ACAP2: variants seen among roughly 807,000 people sequenced by gnomAD.
ACAP2 encodes ArfGAP with coiled-coil, ankyrin repeat and PH domains 2.
A neutral mutation model predicts 115.8 loss-of-function variants in ACAP2; 39 were observed. That is an observed-to-expected ratio of 0.34 (90% confidence interval 0.26 to 0.44). The LOEUF is 0.44. Among genes scored for constraint, ACAP2 ranks in the 20% least tolerant of loss-of-function variants. The pLI is 1.00. For missense variants in ACAP2, 662 were observed against 927.6 expected (o/e 0.71, Z 3.72); for synonymous variants, 289 against 315.8 (o/e 0.92, Z 0.90).
At chr3:195,416,729 C>G (rs1713761894) in intron 1 of ACAP2, among the ~76,000 whole-genome samples, 1 of 152,056 alleles carries the variant, frequency 6.6e-6, no homozygotes, top group Non-Finnish European at 1.5e-5. Context: ...TTCCAAGTAG[C>G]ACAAAAACTT....
At chr3:195,338,895 A>C (rs533570127) in intron 6 of ACAP2, among the ~76,000 whole-genome samples, 1 of 152,170 alleles carries the variant, frequency 6.6e-6, no homozygotes, top group South Asian at 2.1e-4. Flanking sequence ...ATTAAAAAAA[A>C]AAACAGAACA....
At chr3:195,341,219 T>C (rs544945205) in intron 6 of ACAP2, among the ~76,000 whole-genome samples, 1 of 152,218 alleles carries the variant, frequency 6.6e-6, no homozygotes, top group African/African-American at 2.4e-5. Flanking sequence ...GACCTATCAC[T>C]TTCAGCTATA....
At position 195,307,538 on chromosome 3, in the gene ACAP2, T is replaced by C. The variant is rs550119211; in HGVS notation, c.910-215A>G. 1.6e-4 allele frequency among the ~76,000 whole-genome samples: 24 copies of C among 152,310 alleles called. 1 individual carries two copies. Among genetic ancestry groups the C allele is most frequent in the African/African-American group, 5.8e-4 (24 of 41,570 alleles). Reference sequence around the variant, plus strand: ...AAATTATATAGAGATTAAATGAAATTGTTTACATATAAAGAGACTGGTCCA... The same window carrying C: ...AAATTATATAGAGATTAAATGAAATCGTTTACATATAAAGAGACTGGTCCA... On this transcript the variant is annotated intron_variant, in intron 11 of 22. Transcript: ENST00000326793.
At position 195,392,195 on chromosome 3, in the gene ACAP2, C is replaced by T. The variant is rs376759906; in HGVS notation, c.54-48G>A. 8.3e-6 allele frequency: 12 copies of T among 1,442,772 alleles called. No individual in the cohort carries two copies. In the Admixed American group the frequency reaches 1.5e-4, roughly 18 times the overall value. The allele number at this position is 1,442,772 out of a possible 1,614,324, so 89.4% of individuals were successfully genotyped here. A position where few individuals can be genotyped will look rare whatever the true frequency, so the allele number is the denominator to read the frequency against. ...AAGTTATTTCGTTTGTTTAAATGTA[C>T]ACTTTACTCTTGAAAAGTAACTCTA... On this transcript the variant is annotated intron_variant, in intron 1 of 22. Transcript: ENST00000326793.
At chr3:195,355,506 T>A (rs1227738250) in intron 4 of ACAP2, among the ~76,000 whole-genome samples, 1 of 152,172 alleles carries the variant, frequency 6.6e-6, no homozygotes, top group Non-Finnish European at 1.5e-5. Context: ...TTTCTGGAAA[T>A]TAACAGTATT....
intron 9 of ACAP2, among the ~76,000 whole-genome samples, chr3:195,323,984 T>C (rs908063957): frequency 6.6e-6 from 1 of 152,230 alleles, no homozygotes; most frequent in Non-Finnish European, 1.5e-5. Flanking sequence ...ATGTGATTAT[T>C]ATGCATTGCA....
intron 16 of ACAP2, 26 bp downstream of exon 16, chr3:195,297,164 G>C (rs757734440): frequency 2.5e-6 from 4 of 1,577,848 alleles, no homozygotes; most frequent in Non-Finnish European, 3.5e-6. Flanking sequence ...TTCCTAATTA[G>C]GGGGAAAAAA....
At chr3:195,412,164 C>CAAAA (rs869120673) in intron 1 of ACAP2, among the ~76,000 whole-genome samples, 9 of 48,598 alleles carry the variant, frequency 1.9e-4, no homozygotes, top group Non-Finnish European at 3.3e-4. Context: ...GACCCTGTCT[C>CAAAA]AAAAAAAAAA....
chr3:195,405,609 C>T (rs943292464), intron 1 of ACAP2, among the ~76,000 whole-genome samples: 5 of 151,860 alleles, frequency 3.3e-5, no homozygotes, highest in African/African-American at 9.7e-5. Flanking sequence ...TTGCTTGAAC[C>T]CAGGAGGCGG....
intron 10 of ACAP2, among the ~76,000 whole-genome samples, chr3:195,309,188 T>C (rs1728600377): frequency 6.6e-6 from 1 of 152,242 alleles, no homozygotes; most frequent in South Asian, 2.1e-4. Context: ...AACTGAACTC[T>C]TTCCCAAGAA....
At chr3:195,312,845 T>C (rs1383173117) in intron 10 of ACAP2, 4 of 152,310 alleles carry the variant, frequency 2.6e-5, no homozygotes, top group South Asian at 2.1e-4. Context: ...TTTTCATCCA[T>C]TGCAAGTAAT....
At chr3:195,326,647 ATTC>A (rs1729814648) in intron 9 of ACAP2, 1 of 423,294 alleles carries the variant, frequency 2.4e-6, no homozygotes, top group Non-Finnish European at 4.3e-6. Context: ...TTCCTAAGAG[ATTC>A]AAATTTTTAT....
chr3:195,372,237 A>G (rs568027029), intron 4 of ACAP2, among the ~76,000 whole-genome samples: 77 of 152,340 alleles, frequency 5.1e-4, no homozygotes, highest in African/African-American at 1.7e-3. Context: ...TTAATTTCCA[A>G]AGCAGAACAA....
At chr3:195,298,309 G>A (rs1300646950) in intron 15 of ACAP2, among the ~76,000 whole-genome samples, 2 of 141,188 alleles carry the variant, frequency 1.4e-5, no homozygotes, top group Non-Finnish European at 3.0e-5. Context: ...AGGCGGTAGT[G>A]CAGTGGCATG....
At chr3:195,356,047 T>C (rs1352906453) in intron 4 of ACAP2, 1 of 452,998 alleles carries the variant, frequency 2.2e-6, no homozygotes, top group Non-Finnish European at 4.5e-6. Flanking sequence ...GAACCAAAAA[T>C]CATGTGAGCA....
chr3:195,360,336 T>G (rs2066169192), intron 4 of ACAP2, among the ~76,000 whole-genome samples: 1 of 152,160 alleles, frequency 6.6e-6, no homozygotes, highest in Non-Finnish European at 1.5e-5. Context: ...CAAGTATAAT[T>G]ATATATGTAC....
rs137874064 is a variant in ACAP2 at position 195,363,400 on chromosome 3, T to C, written c.285+17609A>G. Reference sequence around the variant, plus strand: ...GCTCATGCCTGTAATCCCAGCACTTTGGGAGGCTGAGATGGGTGGATCACC... The same window carrying C: ...GCTCATGCCTGTAATCCCAGCACTTCGGGAGGCTGAGATGGGTGGATCACC... On this transcript the variant is annotated intron_variant, in intron 4 of 22. Transcript: ENST00000326793. Among the ~76,000 whole-genome samples, 384 of 152,146 alleles carry C rather than the reference T, an allele frequency of 2.5e-3. 3 individuals are homozygous for C. The highest frequency in any genetic ancestry group is 8.9e-3 in the African/African-American group (368 of 41,498).
chr3:195,440,120 A>G (rs2108881153), intron 1 of ACAP2, among the ~76,000 whole-genome samples: 1 of 152,298 alleles, frequency 6.6e-6, no homozygotes, highest in African/African-American at 2.4e-5. Context: ...AGATTTTTAG[A>G]TGAACAAGGT....
At chr3:195,417,765 T>C (rs1713858850) in intron 1 of ACAP2, among the ~76,000 whole-genome samples, 1 of 151,948 alleles carries the variant, frequency 6.6e-6, no homozygotes, top group African/African-American at 2.4e-5. Context: ...CTGGGCAACA[T>C]ACAGAAACTC....
Sources: gnomAD v4.1 joint callset for allele counts (sites outside exome capture counted in the v4.1 genomes callset) on GRCh38, gnomAD v4.1.1 for gene constraint, MANE v1.5 for transcripts, NCBI Gene and HGNC (gene_info 2026-07-23, HGNC 2026-07-21) for gene names.